Variants in PACSIN2 observed in about 807,000 individuals in gnomAD.
PACSIN2 encodes the protein protein kinase C and casein kinase substrate in neurons 2.
In PACSIN2, 25 loss-of-function variants were observed where a neutral mutation model predicts 63.8. The ratio of observed to expected loss-of-function variants is 0.39; its 90% CI spans 0.29 to 0.55. The LOEUF (loss-of-function observed/expected upper bound fraction) is 0.55, where lower values mean the gene tolerates loss of function less well. Ranked by LOEUF, PACSIN2 falls within the 20% of genes least tolerant of loss-of-function variation. PACSIN2 has a pLI of 0.62. For missense variants in PACSIN2, 518 were observed against 646.9 expected, an observed-to-expected ratio of 0.80 and a Z score of 2.16; for synonymous variants, 255 against 256.2, an observed-to-expected ratio of 1.00 and a Z score of 0.05.
In PACSIN2 at chr22:42,877,053, G is replaced by C. The variant is rs766135549; in HGVS notation, c.1029-43C>G. On this transcript the variant is annotated intron_variant, in intron 8 of 10. Transcript: ENST00000263246. ...TTTCAGGGGATCCCAGCTCTGCAGG[G>C]GCCCGTGAGGGTCCTGGCAACTCCT... 5 of 1,607,760 alleles carry C rather than the reference G, an allele frequency of 3.1e-6. No homozygotes were observed. In the South Asian group the frequency reaches 5.5e-5, roughly 18 times the overall value.
intron 1 of PACSIN2, among the ~76,000 whole-genome samples, chr22:43,007,500 C>G (rs4822249): frequency 0.61 from 92,684 of 151,940 alleles, 28,881 homozygotes; most frequent in East Asian, 0.81. Context: ...ACAGGCGTGA[C>G]CCCTCTCTCC....
intron 1 of PACSIN2, among the ~76,000 whole-genome samples, chr22:42,969,575 G>A (rs1479995792): frequency 1.3e-5 from 2 of 152,104 alleles, no homozygotes; most frequent in African/African-American, 4.8e-5. Context: ...CATTATCCAA[G>A]CAATATGGGA....
chr22:42,978,187 C>T (rs1273461271), intron 1 of PACSIN2, among the ~76,000 whole-genome samples: 2 of 152,118 alleles, frequency 1.3e-5, no homozygotes, highest in African/African-American at 2.4e-5. Flanking sequence ...GGTGTGTAAG[C>T]TCAAGAGAAG....
intron 1 of PACSIN2, among the ~76,000 whole-genome samples, chr22:42,941,257 T>C (rs1259228448): frequency 6.6e-6 from 1 of 152,268 alleles, no homozygotes; most frequent in Non-Finnish European, 1.5e-5. Flanking sequence ...AATATTCCAC[T>C]GTATGAATAT....
chr22:42,871,104 C>G lies in PACSIN2; in HGVS notation c.*253G>C. 2 of 540,552 alleles carry G rather than the reference C, an allele frequency of 3.7e-6. No homozygotes were observed. Among genetic ancestry groups the G allele is most frequent in the East Asian group, 3.1e-5 (1 of 31,752 alleles). 33.5% of individuals were successfully genotyped at this position (540,552 alleles called of 1,614,324 possible). On this transcript the variant is annotated 3_prime_UTR_variant, in exon 11 of 11. Coordinates refer to ENST00000263246, the MANE Select transcript of PACSIN2 (RefSeq NM_001184970.3). This position sits in a 1 kb window ranked among gnomAD's most constrained non-coding sequence, Gnocchi z 5.4. ...AACATAGAGATCTATGATAGGCCAA[C>G]AGGCACAGTGGGCGGGGAGGGGCGG...
chr22:43,010,070 A>G (rs1343569205), intron 1 of PACSIN2, among the ~76,000 whole-genome samples: 2 of 151,686 alleles, frequency 1.3e-5, no homozygotes, highest in African/African-American at 2.4e-5. Context: ...GGGTTTCACC[A>G]TGTTGGCCAG....
chr22:42,938,575 C>T (rs1933009200), intron 1 of PACSIN2, among the ~76,000 whole-genome samples: 1 of 152,212 alleles, frequency 6.6e-6, no homozygotes, highest in African/African-American at 2.4e-5. Flanking sequence ...CAAGCAGAGG[C>T]TGTCCAAACA....
At chr22:42,998,394 C>A (rs1350341144) in intron 1 of PACSIN2, among the ~76,000 whole-genome samples, 1 of 152,198 alleles carries the variant, frequency 6.6e-6, no homozygotes, top group East Asian at 1.9e-4. Context: ...ATCTCCCCAA[C>A]ATGCCCTGAC....
At chr22:43,000,401 T>C (rs1165334813) in intron 1 of PACSIN2, among the ~76,000 whole-genome samples, 4 of 152,208 alleles carry the variant, frequency 2.6e-5, no homozygotes, top group Non-Finnish European at 5.9e-5. Flanking sequence ...ACTGAGTTTG[T>C]CTCCACCTCC....
chr22:42,942,384 C>T (rs1933210262), intron 1 of PACSIN2, among the ~76,000 whole-genome samples: 1 of 152,126 alleles, frequency 6.6e-6, no homozygotes, highest in Admixed American at 6.6e-5. Flanking sequence ...AATTTACCCA[C>T]TTTTTTCTTT....
intron 8 of PACSIN2, among the ~76,000 whole-genome samples, chr22:42,877,967 T>C (rs1391898350): frequency 6.6e-6 from 1 of 152,192 alleles, no homozygotes; most frequent in Non-Finnish European, 1.5e-5. Flanking sequence ...TGATCCTGAG[T>C]GGCCAGTAAC....
Position 42,871,504 on chromosome 22 carries a change from G to T in PACSIN2, c.1349-35C>A. On this transcript the variant is annotated intron_variant, in intron 10 of 10. Coordinates refer to ENST00000263246, the MANE Select transcript of PACSIN2 (RefSeq NM_001184970.3). This position sits in a 1 kb window ranked among gnomAD's most constrained non-coding sequence, Gnocchi z 5.4. ...AAAGAGGGAGCCGTCTCCATGAGAG[G>T]TATGACACCGACGGTGGGCTACAGA... The T allele has an allele frequency of 1.3e-6, 2 of 1,485,704 alleles. No individual in the cohort carries two copies. Among genetic ancestry groups the T allele is most frequent in the Non-Finnish European group, 1.9e-6 (2 of 1,062,340 alleles). 92.0% of individuals were successfully genotyped at this position (1,485,704 alleles called of 1,614,324 possible). A position where few individuals can be genotyped will look rare whatever the true frequency, so the allele number is the denominator to read the frequency against.
At chr22:42,881,179 A>G (rs1452536446) in intron 7 of PACSIN2, among the ~76,000 whole-genome samples, 1 of 152,128 alleles carries the variant, frequency 6.6e-6, no homozygotes, top group Non-Finnish European at 1.5e-5. Context: ...AGGGCCATAA[A>G]AGAAGTGCAG....
intron 9 of PACSIN2, among the ~76,000 whole-genome samples, chr22:42,876,603 C>G (rs534476407): frequency 6.6e-6 from 1 of 152,246 alleles, no homozygotes; most frequent in Non-Finnish European, 1.5e-5. Context: ...ACAGACTGCG[C>G]GTTGTCTGTT....
chr22:43,000,498 T>G (rs1416110697), intron 1 of PACSIN2, among the ~76,000 whole-genome samples: 8 of 152,194 alleles, frequency 5.3e-5, no homozygotes, highest in Admixed American at 5.2e-4. Context: ...TACTTACTAG[T>G]AAGAGCTCAT....
intron 10 of PACSIN2, among the ~76,000 whole-genome samples, chr22:42,874,890 G>A (rs975710043): frequency 7.3e-5 from 10 of 136,318 alleles, no homozygotes; most frequent in African/African-American, 2.7e-4. Context: ...TTGCTCTGTC[G>A]CCCAGGCTGG....
chr22:43,010,263 G>C (rs1338244162), intron 1 of PACSIN2, among the ~76,000 whole-genome samples: 1 of 151,336 alleles, frequency 6.6e-6, no homozygotes, highest in Non-Finnish European at 1.5e-5. Flanking sequence ...AATAGGCCAG[G>C]TGTGGTAGCT....
chr22:42,960,027 C>G (rs1934073918), intron 1 of PACSIN2: 1 of 152,228 alleles, frequency 6.6e-6, no homozygotes, highest in Non-Finnish European at 1.5e-5. Flanking sequence ...CACAGAAGAG[C>G]TCTCTTTTCA....
rs1377846983 is a variant in PACSIN2 at position 42,893,450 on chromosome 22, C to A, written c.217+7G>T. Reference sequence around the variant, plus strand: ...CAGGCCACAGGACCTGTGCCGGGGCCCCATACCTTTCTCCACGAGCTGCCT... The same window carrying A: ...CAGGCCACAGGACCTGTGCCGGGGCACCATACCTTTCTCCACGAGCTGCCT... On this transcript the variant is annotated splice_region_variant and intron_variant, in intron 3 of 10. Coordinates refer to ENST00000263246, the MANE Select transcript of PACSIN2 (RefSeq NM_001184970.3). 7.5e-6 allele frequency: 12 copies of A among 1,610,690 alleles called. No individual in the cohort carries two copies. The highest frequency in any genetic ancestry group is 1.0e-5 in the Non-Finnish European group (12 of 1,179,936).
Sources: allele counts gnomAD v4.1 joint callset (sites outside exome capture counted in the v4.1 genomes callset), GRCh38; gene constraint gnomAD v4.1.1; non-coding constraint Gnocchi (gnomAD v3.1); transcripts MANE v1.5; gene names NCBI Gene and HGNC (gene_info 2026-07-23, HGNC 2026-07-21).